Variants in CCDC102B observed in about 807,000 individuals in gnomAD.
The protein encoded by CCDC102B is coiled-coil domain containing 102B.
A neutral mutation model predicts 57.4 loss-of-function variants in CCDC102B; 75 were observed. That is an observed-to-expected ratio of 1.31 (90% CI 1.08 to 1.58). The LOEUF (loss-of-function observed/expected upper bound fraction) is 1.58, where lower values mean the gene tolerates loss of function less well. Among genes scored for constraint, CCDC102B ranks in the 40% most tolerant of loss-of-function variants. The pLI, the probability that CCDC102B is intolerant of heterozygous loss-of-function variation, is 0.00. For synonymous variants in CCDC102B, 206 were observed against 201.9 expected (o/e 1.02, Z -0.17); for missense variants, 636 against 582.6 (o/e 1.09, Z -0.94).
At chr18:68,789,892 GGA>G (rs1045704737) in intron 2 of CCDC102B, among the ~76,000 whole-genome samples, 1 of 152,020 alleles carries the variant, frequency 6.6e-6, no homozygotes, top group Non-Finnish European at 1.5e-5. Flanking sequence ...TTCCTTTGGA[GGA>G]GGAGAGGTTC....
chr18:68,955,365 T>A (rs1302132942), intron 6 of CCDC102B, among the ~76,000 whole-genome samples: 1 of 152,192 alleles, frequency 6.6e-6, no homozygotes, highest in Non-Finnish European at 1.5e-5. Flanking sequence ...TATTTATGAA[T>A]CTAGACTTAC....
intron 2 of CCDC102B, among the ~76,000 whole-genome samples, chr18:68,725,150 A>G (rs1292801054): frequency 2.0e-5 from 3 of 152,228 alleles, no homozygotes; most frequent in Non-Finnish European, 4.4e-5. Flanking sequence ...AATTGCTTTC[A>G]TGATTCAGTT....
At chr18:68,983,385 A>G (rs1323912736) in intron 6 of CCDC102B, among the ~76,000 whole-genome samples, 2 of 152,014 alleles carry the variant, frequency 1.3e-5, no homozygotes, top group Non-Finnish European at 2.9e-5. Flanking sequence ...TGAGGTCTTA[A>G]TGGACCAAAT....
chr18:68,897,174 A>G (rs772299469), intron 5 of CCDC102B, 45 bp from the exon 6 acceptor site: 4 of 1,501,502 alleles, frequency 2.7e-6, no homozygotes, highest in South Asian at 1.2e-5. Flanking sequence ...ATCTTTTGGC[A>G]ATTGCAAATG....
At chr18:68,962,332 A>G (rs1283552779) in intron 6 of CCDC102B, among the ~76,000 whole-genome samples, 1 of 152,080 alleles carries the variant, frequency 6.6e-6, no homozygotes, top group Non-Finnish European at 1.5e-5. Flanking sequence ...TTTATCTGCA[A>G]CTATCCAAGA....
At chr18:68,716,287 CAA>C (rs1213578022) in intron 1 of CCDC102B, among the ~76,000 whole-genome samples, 2 of 120,360 alleles carry the variant, frequency 1.7e-5, no homozygotes, top group African/African-American at 5.8e-5. Flanking sequence ...GACCCATATT[CAA>C]TTTTTTTTTT....
chr18:68,942,761 A>G (rs2049414862), intron 6 of CCDC102B, among the ~76,000 whole-genome samples: 1 of 151,778 alleles, frequency 6.6e-6, no homozygotes, highest in Admixed American at 6.6e-5. Flanking sequence ...CCTTCCTCTT[A>G]TCTCAACTGC....
At chr18:68,752,365 A>C (rs2033887714) in intron 2 of CCDC102B, among the ~76,000 whole-genome samples, 1 of 152,168 alleles carries the variant, frequency 6.6e-6, no homozygotes, top group Admixed American at 6.5e-5. Flanking sequence ...TGTTAGAGGA[A>C]AAGAAAATAA....
At chr18:68,838,383 C>G (rs938898732) in intron 2 of CCDC102B, 1 of 981,186 alleles carries the variant, frequency 1.0e-6, no homozygotes, top group African/African-American at 1.8e-5. Flanking sequence ...AAGAGGAATT[C>G]ATCAACTCAT....
At chr18:68,852,038 A>G (rs1207907806) in intron 4 of CCDC102B, among the ~76,000 whole-genome samples, 1 of 152,186 alleles carries the variant, frequency 6.6e-6, no homozygotes, top group Non-Finnish European at 1.5e-5. Flanking sequence ...AAACAGCATT[A>G]GTCATTTTAC....
intron 1 of CCDC102B, among the ~76,000 whole-genome samples, chr18:68,798,784 A>G (rs193186526): frequency 7.9e-4 from 121 of 152,286 alleles, no homozygotes; most frequent in Non-Finnish European, 1.4e-3. Flanking sequence ...TGTGCATAAT[A>G]AAAAGTAATG....
intron 7 of CCDC102B, among the ~76,000 whole-genome samples, chr18:69,052,236 TAA>T (rs2052725081): frequency 6.6e-6 from 1 of 151,870 alleles, no homozygotes; most frequent in South Asian, 2.1e-4. Flanking sequence ...ATAAAAAATA[TAA>T]AGAGACATTA....
chr18:68,793,751 A>T (rs1200298344), upstream of CCDC102B, among the ~76,000 whole-genome samples: 1 of 152,162 alleles, frequency 6.6e-6, no homozygotes, highest in Non-Finnish European at 1.5e-5. Flanking sequence ...TTTGCAAAAT[A>T]TTAAAATATA....
At chr18:68,853,238 T>C (rs191395231) in intron 4 of CCDC102B, among the ~76,000 whole-genome samples, 2 of 152,290 alleles carry the variant, frequency 1.3e-5, no homozygotes, top group Admixed American at 1.3e-4. Context: ...TAATGCACCA[T>C]ACATTTAAAT....
At chr18:68,944,219 G>C (rs1486418751) in intron 6 of CCDC102B, among the ~76,000 whole-genome samples, 1 of 152,066 alleles carries the variant, frequency 6.6e-6, no homozygotes, top group Admixed American at 6.6e-5. Context: ...TCCCAGCCAA[G>C]AGAAAGTCTT....
At chr18:68,897,748 A>G in intron 6 of CCDC102B, 1 of 701,872 alleles carries the variant, frequency 1.4e-6, no homozygotes, top group Non-Finnish European at 2.1e-6. Context: ...TTTCTAAGCT[A>G]ATGATCTTAT....
chr18:69,001,029 G>C (rs563407891), intron 6 of CCDC102B, among the ~76,000 whole-genome samples: 3 of 152,084 alleles, frequency 2.0e-5, no homozygotes, highest in Non-Finnish European at 2.9e-5. Flanking sequence ...TGTGAGGCAA[G>C]CCAATGCACC....
At chr18:68,720,590 A>T (rs976978817) in intron 2 of CCDC102B, among the ~76,000 whole-genome samples, 1 of 152,230 alleles carries the variant, frequency 6.6e-6, no homozygotes. Context: ...ACGCTTTCAC[A>T]TGGAATCTTT....
intron 7 of CCDC102B, among the ~76,000 whole-genome samples, chr18:69,036,006 C>T (rs535061329): frequency 6.6e-6 from 1 of 152,150 alleles, no homozygotes; most frequent in South Asian, 2.1e-4. Context: ...GCCAGAATCC[C>T]CGATGCTCAA....
Sources: gnomAD v4.1 joint callset for allele counts (sites outside exome capture counted in the v4.1 genomes callset) on GRCh38, gnomAD v4.1.1 for gene constraint, MANE v1.5 for transcripts, NCBI Gene and HGNC (gene_info 2026-07-23, HGNC 2026-07-21) for gene names.